MICAL1: variants seen among roughly 807,000 people sequenced by gnomAD.
The protein encoded by MICAL1 is microtubule associated monooxygenase, calponin and LIM domain containing 1.
Under a neutral mutation model 131.8 loss-of-function variants are expected in MICAL1, and 95 were observed. That is an observed-to-expected ratio of 0.72 (90% CI 0.61 to 0.86). MICAL1 has a LOEUF of 0.86. Ranked by LOEUF, MICAL1 falls within the 40% of genes least tolerant of loss-of-function variation. The pLI, the probability that MICAL1 is intolerant of heterozygous loss-of-function variation, is 0.00. For synonymous variants in MICAL1, 546 were observed against 554.2 expected, an observed-to-expected ratio of 0.99 and a Z score of 0.21; for missense variants, 1,292 against 1,380.6, an observed-to-expected ratio of 0.94 and a Z score of 1.02.
At position 109,445,289 on chromosome 6, in the gene MICAL1, G is replaced by A. The variant is rs1775158771; in HGVS notation, c.2789C>T (p.Thr930Ile). ...EEMKRFCKAQ[T>I]IQRRLNEIEA... ...AATCTCATTTAGTCGCCGTTGGATG[G>A]TCTGAGGGGTACAAGACAGAATATC... The change falls in exon 22 of 25, where the codon ACC becomes ATC. Residue 930 changes from threonine (T) to isoleucine (I), a missense_variant and splice_region_variant. Coordinates refer to ENST00000358807, the MANE Select transcript of MICAL1 (RefSeq NM_022765.4). 2.5e-6 allele frequency: 4 copies of A among 1,613,976 alleles called. No individual in the cohort carries two copies. Among genetic ancestry groups the A allele is most frequent in the Non-Finnish European group, 3.4e-6 (4 of 1,180,036 alleles).
At chr6:109,463,312 A>G (rs1775946012) in intron 1 of MICAL1, 1 of 152,208 alleles carries the variant, frequency 6.6e-6, no homozygotes, top group Admixed American at 6.5e-5. Context: ...TCAAAGGGGT[A>G]GAATGTATAT....
chr6:109,456,003 A>C, upstream of MICAL1: 3 of 985,980 alleles, frequency 3.0e-6, no homozygotes, highest in Non-Finnish European at 3.6e-6. Context: ...CCATGCCTGC[A>C]GGGTGGCGCC....
rs550370446 is a variant in MICAL1 at position 109,455,244 on chromosome 6, C to A, written c.-44+475G>T. On this transcript the variant is annotated intron_variant, in intron 1 of 24. Transcript: ENST00000358807. The surrounding 1 kb of genome is among the most constrained non-coding windows in gnomAD (Gnocchi z 4.7). Reference sequence around the variant, plus strand: ...GGAGGGTGAATGGCAGCAGTGGGGGCAGGTCCCTGAGGCTCAGGCCCCTCC... The same window carrying A: ...GGAGGGTGAATGGCAGCAGTGGGGGAAGGTCCCTGAGGCTCAGGCCCCTCC... 9.2e-5 allele frequency among the ~76,000 whole-genome samples: 14 copies of A among 152,270 alleles called. No homozygotes were observed. Among genetic ancestry groups the A allele is most frequent in the Non-Finnish European group, 1.2e-4 (8 of 68,004 alleles).
chr6:109,449,652 CT>C lies in MICAL1; in HGVS notation c.1434+4del. ...GAAGGCTGGTGGGTGTGTCGGGGGTCTGACCTGATTGGGGGTCACTGCCCGG... is the reference window on the plus strand; with the variant it reads ...GAAGGCTGGTGGGTGTGTCGGGGGTCGACCTGATTGGGGGTCACTGCCCGG... On this transcript the variant is annotated splice_donor_region_variant and intron_variant, in intron 10 of 24. Coordinates refer to ENST00000358807, the MANE Select transcript of MICAL1 (RefSeq NM_022765.4). 1 of 1,583,772 alleles carries C rather than the reference CT, an allele frequency of 6.3e-7. No individual in the cohort carries two copies. Among genetic ancestry groups the C allele is most frequent in the Non-Finnish European group, 8.6e-7 (1 of 1,165,046 alleles).
At chr6:109,450,279 T>G (rs750844023) in intron 8 of MICAL1, 21 bp downstream of exon 8, 25 of 1,594,970 alleles carry the variant, frequency 1.6e-5, no homozygotes. Flanking sequence ...ATGAAACCCC[T>G]GTGCCTCCTG....
Position 109,448,812 on chromosome 6 carries a change from G to A in MICAL1, c.1584C>T (p.Val528=), listed in dbSNP as rs747492219. The A allele has an allele frequency of 3.7e-6, 6 of 1,614,092 alleles. No individual in the cohort carries two copies. In the South Asian group the frequency reaches 5.5e-5, roughly 15 times the overall value. The change falls in exon 12 of 25, where the codon GTC becomes GTT. Residue 528 remains valine, a synonymous_variant. Coordinates refer to ENST00000358807, the MANE Select transcript of MICAL1 (RefSeq NM_022765.4). The part of the protein sequence containing the change: ...CQEQTAGYPG[V]HVSDLSSSWA... Reference sequence around the variant, plus strand: ...AGGAGGAAGACAAATCGGAGACGTGGACTCCCGGGTACCCAGCTGTCTGCT... The same window carrying A: ...AGGAGGAAGACAAATCGGAGACGTGAACTCCCGGGTACCCAGCTGTCTGCT...
chr6:109,451,843 C>T (rs376415226), intron 6 of MICAL1, 143 bp from the exon 7 acceptor site: 1 of 1,437,882 alleles, frequency 7.0e-7, no homozygotes, highest in Non-Finnish European at 9.1e-7. Flanking sequence ...CCCACGAGTC[C>T]TGATGACACA....
At chr6:109,447,309 G>T (rs1775273046) in intron 16 of MICAL1, 48 bp downstream of exon 16, 1 of 1,613,868 alleles carries the variant, frequency 6.2e-7, no homozygotes, top group Non-Finnish European at 8.5e-7. Flanking sequence ...AAACGCCCCT[G>T]CCCTGCCCTC....
chr6:109,458,478 CCAGCTACT>C (rs1775811132), upstream of MICAL1, among the ~76,000 whole-genome samples: 1 of 152,124 alleles, frequency 6.6e-6, no homozygotes, highest in African/African-American at 2.4e-5. Context: ...GCCTGTAATC[CCAGCTACT>C]CAGGAAGGCT....
upstream of MICAL1, among the ~76,000 whole-genome samples, chr6:109,459,913 A>T (rs1475393078): frequency 6.6e-6 from 1 of 152,236 alleles, no homozygotes; most frequent in African/African-American, 2.4e-5. Flanking sequence ...TTTAACAAGG[A>T]TAGTCATATG....
At position 109,447,875 on chromosome 6, in the gene MICAL1, C is replaced by T; in HGVS notation, c.1944G>A (p.Lys648=). The T allele has an allele frequency of 6.2e-7, 1 of 1,613,258 alleles. No individual in the cohort carries two copies. The highest frequency in any genetic ancestry group is 8.5e-7 in the Non-Finnish European group (1 of 1,179,532). ...CTCCAGCCCTGCCTAAACTCTCCAC[C>T]TTGGCCCGGGATCGCTGCAGGGTCC... ...LQRTLQRSRA[K]ENAEDAGGKK... The change falls in exon 14 of 25, where the codon AAG becomes AAA. Residue 648 remains lysine (K), a splice_region_variant and synonymous_variant. Transcript: ENST00000358807.
chr6:109,454,482 T>C (rs1398883463), intron 1 of MICAL1, among the ~76,000 whole-genome samples: 1 of 152,058 alleles, frequency 6.6e-6, no homozygotes, highest in Non-Finnish European at 1.5e-5. Flanking sequence ...AGAGGGCACA[T>C]GGGACACCAG....
At position 109,453,860 on chromosome 6, in the gene MICAL1, G is replaced by A; in HGVS notation, c.259-15C>T. 1 of 1,612,106 alleles carries A rather than the reference G, an allele frequency of 6.2e-7. No homozygotes were observed. On this transcript the variant is annotated splice_polypyrimidine_tract_variant and intron_variant, in intron 2 of 24. Coordinates refer to ENST00000358807, the MANE Select transcript of MICAL1 (RefSeq NM_022765.4). Reference sequence around the variant, plus strand: ...ACCACCAGGCACTGTGAACACACAGGGCAGTGAGGGCATGGCATCCTGTCC... The same window carrying A: ...ACCACCAGGCACTGTGAACACACAGAGCAGTGAGGGCATGGCATCCTGTCC...
chr6:109,445,245 G>T lies in MICAL1; in HGVS notation c.2833C>A (p.Leu945Ile). 1 of 1,614,070 alleles carries T rather than the reference G, an allele frequency of 6.2e-7. No individual in the cohort carries two copies. Among genetic ancestry groups the T allele is most frequent in the Non-Finnish European group, 8.5e-7 (1 of 1,180,034 alleles). ...TCCAGCTTCACGCCCTCGGCCTCTAGCTCCCTCAAGGCAGCCTCAATCTCA... is the reference window on the plus strand; with the variant it reads ...TCCAGCTTCACGCCCTCGGCCTCTATCTCCCTCAAGGCAGCCTCAATCTCA... ...LNEIEAALRE[L>I]EAEGVKLELA... is the part of the protein sequence containing the mutation. The change falls in exon 22 of 25, where the codon CTA becomes ATA. Residue 945 changes from leucine (L) to isoleucine (I), a missense_variant. By Grantham distance (5) the Leu-to-Ile change is conservative. Coordinates refer to ENST00000358807, the MANE Select transcript of MICAL1 (RefSeq NM_022765.4).
rs967534119 is a variant in MICAL1 at position 109,452,949 on chromosome 6, T to C, written c.571+314A>G. On this transcript the variant is annotated intron_variant, in intron 4 of 24. Transcript: ENST00000358807. ...AGGTGGGTGGATCACTTGAGGTCAGTAGTTCGAGACCAGCCTGGCCAACAC... is the reference window on the plus strand; with the variant it reads ...AGGTGGGTGGATCACTTGAGGTCAGCAGTTCGAGACCAGCCTGGCCAACAC... Among the ~76,000 whole-genome samples, 79 of 152,022 alleles carry C rather than the reference T, an allele frequency of 5.2e-4. 1 individual carries two copies. The highest frequency in any genetic ancestry group is 1.9e-3 in the African/African-American group (78 of 41,454).
At position 109,454,219 on chromosome 6, in the gene MICAL1, C is replaced by G; in HGVS notation, c.-23G>C. 6.3e-7 allele frequency: 1 copy of G among 1,577,762 alleles called. No individual in the cohort carries two copies. The highest frequency in any genetic ancestry group is 8.6e-7 in the Non-Finnish European group (1 of 1,161,784). ...CATGGAGGCCTCCTGGGGAGGGCAG[C>G]AGCTGGGCAGAGATGAGTGGCTGGA... On this transcript the variant is annotated 5_prime_UTR_variant, in exon 2 of 25. Transcript: ENST00000358807.
rs769415507 is a variant in MICAL1 at position 109,447,675 on chromosome 6, A to G, written c.1986+6T>C. The G allele has an allele frequency of 4.3e-6, 7 of 1,613,826 alleles. No individual in the cohort carries two copies. Among genetic ancestry groups the G allele is most frequent in the African/African-American group, 4.0e-5 (3 of 74,850 alleles). On this transcript the variant is annotated splice_donor_region_variant and intron_variant, in intron 15 of 24. Coordinates refer to ENST00000358807, the MANE Select transcript of MICAL1 (RefSeq NM_022765.4). ...AGGAGACCGACCCGCCCCTGCCTGC[A>G]TTCACCTCCAAGCGCAGCTTCTTGC...
At chr6:109,458,856 G>C (rs1396873380), upstream of MICAL1, among the ~76,000 whole-genome samples, 1 of 152,172 alleles carries the variant, frequency 6.6e-6, no homozygotes, top group Non-Finnish European at 1.5e-5. Flanking sequence ...GTCCTGGGCC[G>C]GGAAGCTGTG....
chr6:109,448,282 T>C lies in MICAL1; in HGVS notation c.1776A>G (p.Val592=). 1 of 1,614,000 alleles carries C rather than the reference T, an allele frequency of 6.2e-7. No homozygotes were observed. Residue 592 remains valine (V), a synonymous_variant, in exon 13 of 25, where the codon GTA becomes GTG. Coordinates refer to ENST00000358807, the MANE Select transcript of MICAL1 (RefSeq NM_022765.4). ...TGAGGCCCAGTGGGTCACTCCCTGC[T>C]ACCACGGCCTGTGCAGACACCACCG... ...ITPVVSAQAV[V]AGSDPLGLIA...
Sources: allele counts gnomAD v4.1 joint callset (sites outside exome capture counted in the v4.1 genomes callset), GRCh38; gene constraint gnomAD v4.1.1; non-coding constraint Gnocchi (gnomAD v3.1); transcripts MANE v1.5; gene names NCBI Gene and HGNC (gene_info 2026-07-23, HGNC 2026-07-21).